The following PRELID2 variants were observed in gnomAD, a reference collection of about 807,000 sequenced individuals.
The protein encoded by PRELID2 is PRELI domain-containing protein 2.
In PRELID2, 25 loss-of-function variants were observed where a neutral mutation model predicts 28.4. The ratio of observed to expected loss-of-function variants is 0.88; its 90% confidence interval spans 0.64 to 1.23. The LOEUF (loss-of-function observed/expected upper bound fraction) is 1.23, where lower values mean the gene tolerates loss of function less well. PRELID2 is among the 50% of genes most tolerant of loss of function. The probability of loss-of-function intolerance (pLI) is 0.00; values close to 1 mark genes in which losing one functional copy is unlikely to be tolerated. For synonymous variants in PRELID2, 76 were observed against 71.6 expected (o/e 1.06, Z -0.31); for missense variants, 201 against 214.4 (o/e 0.94, Z 0.39).
the PRELID2 span, among the ~76,000 whole-genome samples, chr5:145,422,011 A>T: frequency 1.3e-5 from 2 of 149,650 alleles, no homozygotes; most frequent in Admixed American, 6.7e-5. Context: ...ATTCAGGAGC[A>T]GGTTGTTCAG....
In PRELID2 at chr5:145,479,570, T is replaced by C. The variant is rs151034557; in HGVS notation, n.71-6255A>G. Among the ~76,000 whole-genome samples the C allele has an allele frequency of 2.4e-3, 369 of 152,328 alleles. 1 individual carries two copies. Among genetic ancestry groups the C allele is most frequent in the African/African-American group, 8.4e-3 (349 of 41,580 alleles). On this transcript the variant is annotated intron_variant and non_coding_transcript_variant, in intron 1 of 2. Transcript: ENST00000510259. ...ATTGTCTGCCTTAAGTACCCTGAGT[T>C]CAGACACAGTGTTTTCTTGTTCATT...
At chr5:145,340,073 C>T in the PRELID2 span, among the ~76,000 whole-genome samples, 1 of 152,152 alleles carries the variant, frequency 6.6e-6, no homozygotes, top group African/African-American at 2.4e-5. Context: ...CCACCTCTTC[C>T]TACCATAGCC....
the PRELID2 span, among the ~76,000 whole-genome samples, chr5:145,429,713 A>C: frequency 6.6e-6 from 1 of 151,832 alleles, no homozygotes. Context: ...CAGAAATATG[A>C]TATCAAGAAG....
intron 1 of PRELID2, among the ~76,000 whole-genome samples, chr5:145,724,628 TATATATATATATATATATA>T (rs1756087359): frequency 8.5e-6 from 1 of 118,332 alleles, no homozygotes; most frequent in African/African-American, 2.9e-5. Flanking sequence ...TATATATATA[TATATATATATATATATATA>T]ATGCCTGTAA....
At chr5:145,569,088 G>A (rs1752994833) in intron 1 of PRELID2, among the ~76,000 whole-genome samples, 1 of 152,182 alleles carries the variant, frequency 6.6e-6, no homozygotes, top group South Asian at 2.1e-4. Flanking sequence ...ACATCAGATA[G>A]CATCCTCACC....
intron 1 of PRELID2, among the ~76,000 whole-genome samples, chr5:145,631,744 A>G (rs927374303): frequency 1.3e-5 from 2 of 152,214 alleles, no homozygotes; most frequent in African/African-American, 4.8e-5. Flanking sequence ...CACCAATATT[A>G]TTCTTCCAAA....
chr5:145,741,124 A>C (rs1345878337), intron 1 of PRELID2, among the ~76,000 whole-genome samples: 22 of 117,012 alleles, frequency 1.9e-4, no homozygotes, highest in South Asian at 5.3e-4. Flanking sequence ...TAAATATATA[A>C]TATATAAATA....
chr5:145,387,988 C>G, the PRELID2 span, among the ~76,000 whole-genome samples: 1 of 147,702 alleles, frequency 6.8e-6, no homozygotes, highest in African/African-American at 2.5e-5. Flanking sequence ...TGGCAAAGTA[C>G]TCTGTTAAAA....
intron 1 of PRELID2, among the ~76,000 whole-genome samples, chr5:145,473,834 AC>A (rs1322107859): frequency 6.6e-6 from 1 of 152,054 alleles, no homozygotes; most frequent in Non-Finnish European, 1.5e-5. Flanking sequence ...CATAACAATC[AC>A]CCCTTGGGAT....
chr5:145,620,827 A>G (rs1238900395), intron 1 of PRELID2, among the ~76,000 whole-genome samples: 1 of 152,060 alleles, frequency 6.6e-6, no homozygotes, highest in African/African-American at 2.4e-5. Flanking sequence ...CCTGTTACAC[A>G]CACACACACA....
At chr5:145,575,139 G>A (rs1753049696) in intron 1 of PRELID2, among the ~76,000 whole-genome samples, 1 of 152,092 alleles carries the variant, frequency 6.6e-6, no homozygotes, top group Admixed American at 6.6e-5. Flanking sequence ...GACTCATTAG[G>A]CCTGGCTCAG....
At chr5:145,527,189 T>C (rs1204113295) in intron 1 of PRELID2, among the ~76,000 whole-genome samples, 6 of 152,214 alleles carry the variant, frequency 3.9e-5, no homozygotes, top group African/African-American at 9.6e-5. Flanking sequence ...TGTTCTATTA[T>C]CTTCATTATG....
chr5:145,322,318 G>T, the PRELID2 span, among the ~76,000 whole-genome samples: 1 of 152,162 alleles, frequency 6.6e-6, no homozygotes, highest in Non-Finnish European at 1.5e-5. Flanking sequence ...GACCTCTTAG[G>T]ACCAGGAGAA....
At chr5:145,596,336 C>G (rs930458323) in intron 1 of PRELID2, among the ~76,000 whole-genome samples, 2 of 151,984 alleles carry the variant, frequency 1.3e-5, no homozygotes, top group Non-Finnish European at 2.9e-5. Flanking sequence ...AATTTTATCT[C>G]TATTTTACAG....
At chr5:145,653,436 C>G (rs1464256662) in intron 1 of PRELID2, among the ~76,000 whole-genome samples, 2 of 152,200 alleles carry the variant, frequency 1.3e-5, no homozygotes, top group Admixed American at 1.3e-4. Flanking sequence ...CCCAAATCAA[C>G]AGAATATACA....
chr5:145,490,631 T>C (rs1752260326), intron 1 of PRELID2, among the ~76,000 whole-genome samples: 1 of 152,194 alleles, frequency 6.6e-6, no homozygotes, highest in Non-Finnish European at 1.5e-5. Flanking sequence ...AATGTATAGA[T>C]GAAAATATCA....
At chr5:145,753,004 A>G (rs1176432824), downstream of PRELID2, among the ~76,000 whole-genome samples, 1 of 152,240 alleles carries the variant, frequency 6.6e-6, no homozygotes, top group Non-Finnish European at 1.5e-5. Context: ...TTTCAAATGT[A>G]AGGAGACACC....
chr5:145,825,253 A>AAAG (rs1755110989), intron 1 of PRELID2, among the ~76,000 whole-genome samples: 4 of 143,874 alleles, frequency 2.8e-5, no homozygotes, highest in Non-Finnish European at 6.2e-5. Flanking sequence ...AAAAAAAAAA[A>AAAG]AAAAAAACTT....
intron 1 of PRELID2, among the ~76,000 whole-genome samples, chr5:145,688,735 T>C (rs1292087220): frequency 6.6e-6 from 1 of 152,198 alleles, no homozygotes; most frequent in Non-Finnish European, 1.5e-5. Context: ...CCCATGTACC[T>C]AGAGCGTAAG....
Sources: gnomAD v4.1 joint callset for allele counts (sites outside exome capture counted in the v4.1 genomes callset) on GRCh38, gnomAD v4.1.1 for gene constraint, MANE v1.5 for transcripts, NCBI Gene and HGNC (gene_info 2026-07-23, HGNC 2026-07-21) for gene names.